Variants in SGCZ observed in about 807,000 individuals in gnomAD.
The protein encoded by SGCZ is sarcoglycan zeta.
Under a neutral mutation model 41.3 loss-of-function variants are expected in SGCZ, and 40 were observed. The observed-to-expected ratio is 0.97, with a 90% CI of 0.75 to 1.26. SGCZ has a LOEUF of 1.26. Among genes scored for constraint, SGCZ ranks in the 50% most tolerant of loss-of-function variants. SGCZ has a pLI of 0.00. For synonymous variants in SGCZ, 206 were observed against 137.5 expected (o/e 1.50, Z -3.49); for missense variants, 552 against 369.8 (o/e 1.49, Z -4.04).
At chr8:14,606,155 A>T (rs1442338458) in intron 1 of SGCZ, among the ~76,000 whole-genome samples, 1 of 152,094 alleles carries the variant, frequency 6.6e-6, no homozygotes, top group Non-Finnish European at 1.5e-5. Context: ...TAATGCTAAA[A>T]TAGTCTTTTT....
At chr8:14,934,190 T>G (rs577292629) in intron 1 of SGCZ, among the ~76,000 whole-genome samples, 5 of 152,026 alleles carry the variant, frequency 3.3e-5, no homozygotes, top group South Asian at 2.1e-4. Flanking sequence ...GTATTCATAA[T>G]CAGAAGTCAC....
chr8:14,898,837 T>C (rs948022708), intron 1 of SGCZ, among the ~76,000 whole-genome samples: 8 of 152,172 alleles, frequency 5.3e-5, no homozygotes, highest in Non-Finnish European at 1.0e-4. Context: ...CTCTATATTG[T>C]ATGCATTGTG....
chr8:14,905,065 C>T (rs1329601862), intron 1 of SGCZ, among the ~76,000 whole-genome samples: 4 of 151,938 alleles, frequency 2.6e-5, no homozygotes, highest in Non-Finnish European at 5.9e-5. Flanking sequence ...TATTTCTTGA[C>T]ACTACCCTAT....
intron 2 of SGCZ, among the ~76,000 whole-genome samples, chr8:14,372,958 T>C (rs1225474900): frequency 1.3e-5 from 2 of 152,184 alleles, no homozygotes; most frequent in Non-Finnish European, 2.9e-5. Context: ...AGATGTGACA[T>C]TATGATATTA....
intron 1 of SGCZ, among the ~76,000 whole-genome samples, chr8:14,863,659 T>C (rs1803828881): frequency 6.6e-6 from 1 of 152,186 alleles, no homozygotes; most frequent in South Asian, 2.1e-4. Flanking sequence ...CTGTTTTCTG[T>C]TGAGTAAATT....
chr8:14,390,683 T>G lies in SGCZ; in HGVS notation c.235-66479A>C, dbSNP rs1163961344. On this transcript the variant is annotated intron_variant, in intron 2 of 7. Coordinates refer to ENST00000382080, the MANE Select transcript of SGCZ (RefSeq NM_139167.4). ...TTTTAGGTTGACACAAAGTGCACCT[T>G]TTGAAGTTATTTAAATTATATGAAA... 9.9e-5 allele frequency among the ~76,000 whole-genome samples: 15 copies of G among 152,046 alleles called. No homozygotes were observed. The South Asian group carries it at 1.0e-3, about 11-fold the overall frequency.
intron 2 of SGCZ, among the ~76,000 whole-genome samples, chr8:14,483,176 G>C (rs1410336252): frequency 2.6e-5 from 4 of 152,134 alleles, no homozygotes; most frequent in African/African-American, 9.7e-5. Flanking sequence ...TTGTATCTCT[G>C]AGGCAGATCA....
At chr8:15,058,955 A>G (rs1804814738) in intron 1 of SGCZ, among the ~76,000 whole-genome samples, 1 of 152,178 alleles carries the variant, frequency 6.6e-6, no homozygotes, top group African/African-American at 2.4e-5. Flanking sequence ...GAAATTTATT[A>G]AGTTGAAACT....
intron 1 of SGCZ, among the ~76,000 whole-genome samples, chr8:14,859,129 A>G (rs1259687661): frequency 1.3e-5 from 2 of 152,144 alleles, no homozygotes; most frequent in African/African-American, 4.8e-5. Flanking sequence ...GAAGACAGCC[A>G]TTGTGCTCTG....
At chr8:14,414,086 A>C (rs185619950) in intron 2 of SGCZ, among the ~76,000 whole-genome samples, 3 of 152,086 alleles carry the variant, frequency 2.0e-5, no homozygotes, top group Admixed American at 6.6e-5. Flanking sequence ...ACATCAGATA[A>C]ATTTAGCAGT....
chr8:14,594,225 TA>T (rs1244795177), intron 1 of SGCZ, among the ~76,000 whole-genome samples: 1 of 128,754 alleles, frequency 7.8e-6, no homozygotes, highest in East Asian at 2.3e-4. Flanking sequence ...AATAAATAAA[TA>T]AAATAAAACA....
intron 5 of SGCZ, among the ~76,000 whole-genome samples, chr8:14,136,892 T>C (rs975065982): frequency 7.2e-5 from 11 of 152,212 alleles, no homozygotes; most frequent in African/African-American, 2.6e-4. Flanking sequence ...GGGAAACACT[T>C]CCCAGAAGGG....
At chr8:15,043,075 T>C (rs957982106) in intron 1 of SGCZ, among the ~76,000 whole-genome samples, 4 of 152,142 alleles carry the variant, frequency 2.6e-5, no homozygotes, top group African/African-American at 9.7e-5. Flanking sequence ...ACACTCTCCA[T>C]CCAGAGCAAG....
chr8:14,403,132 T>C (rs1220174179), intron 2 of SGCZ, among the ~76,000 whole-genome samples: 3 of 150,170 alleles, frequency 2.0e-5, no homozygotes, highest in Non-Finnish European at 2.9e-5. Context: ...TTTTTGTACA[T>C]TGATTTTGTA....
intron 1 of SGCZ, among the ~76,000 whole-genome samples, chr8:15,215,291 G>A (rs1801362236): frequency 6.6e-6 from 1 of 152,068 alleles, no homozygotes; most frequent in African/African-American, 2.4e-5. Flanking sequence ...GTTCTAGTAG[G>A]GTGCCTCTAA....
intron 2 of SGCZ, among the ~76,000 whole-genome samples, chr8:14,531,159 A>G (rs1001684416): frequency 1.3e-5 from 2 of 151,946 alleles, no homozygotes; most frequent in African/African-American, 2.4e-5. Flanking sequence ...TCTTTACACT[A>G]TCATACCTCT....
At chr8:15,018,379 T>C (rs921905358) in intron 1 of SGCZ, among the ~76,000 whole-genome samples, 1 of 151,960 alleles carries the variant, frequency 6.6e-6, no homozygotes, top group Non-Finnish European at 1.5e-5. Context: ...AGCAAGAAAA[T>C]ACCAGGGAGT....
chr8:14,614,293 T>G (rs573044700), intron 1 of SGCZ, among the ~76,000 whole-genome samples: 1 of 152,228 alleles, frequency 6.6e-6, no homozygotes, highest in Admixed American at 6.5e-5. Flanking sequence ...AAATAAAAAT[T>G]GAAGAACATA....
intron 1 of SGCZ, among the ~76,000 whole-genome samples, chr8:15,184,210 ACTAGTAGAACT>A (rs1158678281): frequency 6.6e-6 from 1 of 152,186 alleles, no homozygotes; most frequent in South Asian, 2.1e-4. Flanking sequence ...ATATACTGTC[ACTAGTAGAACT>A]TCTGGTAGGA....
Sources: gnomAD v4.1 joint callset for allele counts (sites outside exome capture counted in the v4.1 genomes callset) on GRCh38, gnomAD v4.1.1 for gene constraint, MANE v1.5 for transcripts, NCBI Gene and HGNC (gene_info 2026-07-23, HGNC 2026-07-21) for gene names.